Variants in TIMP2 observed in about 807,000 individuals in gnomAD.
The protein encoded by TIMP2 is TIMP metallopeptidase inhibitor 2.
Under a neutral mutation model 24.3 loss-of-function variants are expected in TIMP2, and 5 were observed. The ratio of observed to expected loss-of-function variants is 0.21; its 90% CI spans 0.11 to 0.43. TIMP2 has a LOEUF of 0.43. TIMP2 is among the 20% of genes least tolerant of loss of function. TIMP2 has a pLI of 1.00. For synonymous variants in TIMP2, 130 were observed against 123.2 expected, an observed-to-expected ratio of 1.06 and a Z score of -0.37; for missense variants, 221 against 297.5, an observed-to-expected ratio of 0.74 and a Z score of 1.89.
Position 78,854,981 on chromosome 17 carries a change from C to T in TIMP2, c.*686G>A, listed in dbSNP as rs1202454388. On this transcript the variant is annotated 3_prime_UTR_variant, in exon 5 of 5. Transcript: ENST00000262768. The stretch of plus-strand genomic sequence containing the variant: ...AAAAGACTCAGCTGAGGCTGGAACG[C>T]AGCTCAGCTGGGGTTTCTCGCTCCC... 1 of 150,658 alleles carries T rather than the reference C, an allele frequency of 6.6e-6. No individual in the cohort carries two copies. The highest frequency in any genetic ancestry group is 1.5e-5 in the Non-Finnish European group (1 of 67,928). The allele number at this position is 150,658 out of a possible 1,614,324, so 9.3% of individuals were successfully genotyped here.
intron 1 of TIMP2, among the ~76,000 whole-genome samples, chr17:78,913,286 G>A (rs964842641): frequency 3.9e-5 from 6 of 152,204 alleles, no homozygotes; most frequent in Admixed American, 6.5e-5. Flanking sequence ...GTGAACCCAC[G>A]TTGAGGCCCT....
chr17:78,877,391 C>T (rs920326690), intron 1 of TIMP2, among the ~76,000 whole-genome samples: 16 of 152,156 alleles, frequency 1.1e-4, no homozygotes, highest in African/African-American at 3.9e-4. Context: ...CCAGCCTAGC[C>T]AACATGGTGA....
Position 78,855,268 on chromosome 17 carries a change from C to T in TIMP2, c.*399G>A, listed in dbSNP as rs2069516013. 2 of 282,168 alleles carry T rather than the reference C, an allele frequency of 7.1e-6. No individual in the cohort carries two copies. The highest frequency in any genetic ancestry group is 4.3e-5 in the African/African-American group (2 of 46,264). The allele number at this position is 282,168 out of a possible 1,614,324, so 17.5% of individuals were successfully genotyped here. On this transcript the variant is annotated 3_prime_UTR_variant, in exon 5 of 5. Coordinates refer to ENST00000262768, the MANE Select transcript of TIMP2 (RefSeq NM_003255.5). This position sits in a 1 kb window ranked among gnomAD's most constrained non-coding sequence, Gnocchi z 6.0. ...CTGGTAGGCCTGCTACACAGTCTTG[C>T]AACGACCCTCAAAAGTTTCTGCAAA...
chr17:78,887,604 C>T (rs1467893268), intron 1 of TIMP2, among the ~76,000 whole-genome samples: 1 of 152,046 alleles, frequency 6.6e-6, no homozygotes, highest in African/African-American at 2.4e-5. Context: ...AGGCTGGCCT[C>T]GAACTCATGA....
intron 1 of TIMP2, among the ~76,000 whole-genome samples, chr17:78,915,297 G>T (rs1811939579): frequency 6.6e-6 from 1 of 152,106 alleles, no homozygotes. Context: ...TGTTGCGGCA[G>T]GGAGAAAGAT....
In TIMP2 at chr17:78,870,426, AAAGAAAG is replaced by A. The variant is rs2069669676; in HGVS notation, c.340+465_340+471del. On this transcript the variant is annotated intron_variant, in intron 3 of 4. Transcript: ENST00000262768. ...GCGACACTCTGTCTCAAAAAAAAAGAAAGAAAGAAAGAAAGAAAGAAAGAAAATGGTT... is the reference window on the plus strand; with the variant it reads ...GCGACACTCTGTCTCAAAAAAAAAGAAAAGAAAGAAAGAAAGAAAATGGTT... Among the ~76,000 whole-genome samples the A allele has an allele frequency of 1.4e-3, 12 of 8,808 alleles. 3 individuals are homozygous for A. Among genetic ancestry groups the A allele is most frequent in the Non-Finnish European group, 3.6e-3 (9 of 2,534 alleles). The allele number at this position is 8,808 out of a possible 152,430, so 5.8% of individuals were successfully genotyped here.
In TIMP2 at chr17:78,916,182, G is replaced by A. The variant is rs565129268; in HGVS notation, c.130+8777C>T. 3.9e-5 allele frequency among the ~76,000 whole-genome samples: 6 copies of A among 152,226 alleles called. No homozygotes were observed. The South Asian group carries it at 6.2e-4, about 16-fold the overall frequency. On this transcript the variant is annotated intron_variant, in intron 1 of 4. Coordinates refer to ENST00000262768, the MANE Select transcript of TIMP2 (RefSeq NM_003255.5). ...GAGCTTCCTGGGAGGCAGGAAATTC[G>A]CCTCTCCTTTTTGGAGGTGTGGAAG... is the stretch of plus-strand genomic sequence containing the variant.
intron 1 of TIMP2, chr17:78,900,152 C>T (rs2070068304): frequency 6.6e-6 from 1 of 152,174 alleles, no homozygotes; most frequent in East Asian, 1.9e-4. Flanking sequence ...CCCCAGAATG[C>T]AATTTGGGTT....
chr17:78,858,136 A>G (rs2069539774), intron 3 of TIMP2, among the ~76,000 whole-genome samples: 1 of 150,798 alleles, frequency 6.6e-6, no homozygotes, highest in South Asian at 2.1e-4. Flanking sequence ...AAACTTAAAC[A>G]TTGGAAACAA....
chr17:78,892,701 G>A (rs2069920272), intron 1 of TIMP2, among the ~76,000 whole-genome samples: 3 of 152,338 alleles, frequency 2.0e-5, no homozygotes, highest in South Asian at 4.1e-4. Context: ...TTTCCCAGGG[G>A]ACATTGGCAA....
rs2069508782 is a variant in TIMP2, at chr17:78,854,578, G to A, written c.*1089C>T. 1 of 152,100 alleles carries A rather than the reference G, an allele frequency of 6.6e-6. No individual in the cohort carries two copies. Among genetic ancestry groups the A allele is most frequent in the African/African-American group, 2.4e-5 (1 of 41,402 alleles). The allele number at this position is 152,100 out of a possible 1,614,324, so 9.4% of individuals were successfully genotyped here. A position where few individuals can be genotyped will look rare whatever the true frequency, so the allele number is the denominator to read the frequency against. On this transcript the variant is annotated 3_prime_UTR_variant, in exon 5 of 5. Coordinates refer to ENST00000262768, the MANE Select transcript of TIMP2 (RefSeq NM_003255.5). Reference sequence around the variant, plus strand: ...TCCAAAATCCTTCCCTTCCTAGGCTGGACTTCTTACTATGCTTAGCTGGCG... The same window carrying A: ...TCCAAAATCCTTCCCTTCCTAGGCTAGACTTCTTACTATGCTTAGCTGGCG...
chr17:78,882,535 C>T (rs944595149), intron 1 of TIMP2, among the ~76,000 whole-genome samples: 1 of 152,244 alleles, frequency 6.6e-6, no homozygotes, highest in Non-Finnish European at 1.5e-5. Flanking sequence ...TAACTAATCT[C>T]GTTGGGCTTC....
intron 3 of TIMP2, among the ~76,000 whole-genome samples, chr17:78,864,958 G>A (rs991147129): frequency 1.3e-5 from 2 of 152,106 alleles, no homozygotes; most frequent in Admixed American, 6.6e-5. Context: ...GGAGGCTGAG[G>A]CAGGAAAATT....
chr17:78,914,907 T>TG (rs1489960245), intron 1 of TIMP2, among the ~76,000 whole-genome samples: 5 of 147,356 alleles, frequency 3.4e-5, no homozygotes, highest in African/African-American at 5.0e-5. Context: ...TTTTCTTTTT[T>TG]TTTTTTTGAG....
intron 1 of TIMP2, among the ~76,000 whole-genome samples, chr17:78,877,686 CT>C (rs2069740280): frequency 6.6e-6 from 1 of 151,728 alleles, no homozygotes; most frequent in African/African-American, 2.4e-5. Flanking sequence ...ATTTCTGGAG[CT>C]GCTTTTCTTT....
At chr17:78,884,625 A>G (rs1482994771) in intron 1 of TIMP2, among the ~76,000 whole-genome samples, 1 of 151,108 alleles carries the variant, frequency 6.6e-6, no homozygotes, top group Non-Finnish European at 1.5e-5. Flanking sequence ...GCGCCCCCAG[A>G]CTCCCTAAGC....
intron 2 of TIMP2, among the ~76,000 whole-genome samples, chr17:78,873,184 T>C (rs1481586712): frequency 1.3e-5 from 2 of 152,086 alleles, no homozygotes. Context: ...CGGCTGTCCC[T>C]CCACCTGCGA....
At chr17:78,893,358 T>C (rs1440178205) in intron 1 of TIMP2, among the ~76,000 whole-genome samples, 166 of 136,964 alleles carry the variant, frequency 1.2e-3, no homozygotes, top group Middle Eastern at 4.3e-3. Context: ...GGGGTGTGTG[T>C]GCAGGGGTGT....
rs769783337 is a variant in TIMP2 at position 78,891,619 on chromosome 17, G to C, written c.131-17700C>G. On this transcript the variant is annotated intron_variant, in intron 1 of 4. Coordinates refer to ENST00000262768, the MANE Select transcript of TIMP2 (RefSeq NM_003255.5). This position sits in a 1 kb window ranked among gnomAD's most constrained non-coding sequence, Gnocchi z 4.5. Reference sequence around the variant, plus strand: ...TCCCCTCCAGACTCTGTCCCTGAGAGCGACTGGTCAGGGCTGGAACAAAGC... The same window carrying C: ...TCCCCTCCAGACTCTGTCCCTGAGACCGACTGGTCAGGGCTGGAACAAAGC... The C allele has an allele frequency of 1.6e-5, 25 of 1,550,812 alleles. No homozygotes were observed. The South Asian group carries it at 2.9e-4, about 18-fold the overall frequency.
Sources: allele counts gnomAD v4.1 joint callset (sites outside exome capture counted in the v4.1 genomes callset), GRCh38; gene constraint gnomAD v4.1.1; non-coding constraint Gnocchi (gnomAD v3.1); transcripts MANE v1.5; gene names NCBI Gene and HGNC (gene_info 2026-07-23, HGNC 2026-07-21).